Variants in EPC2 observed in about 807,000 individuals in gnomAD.
EPC2 encodes the protein enhancer of polycomb homolog 2.
In EPC2, 14 loss-of-function variants were observed where a neutral mutation model predicts 92.1. The observed-to-expected ratio is 0.15, with a 90% CI of 0.10 to 0.24. The LOEUF (loss-of-function observed/expected upper bound fraction) is 0.24, where lower values mean the gene tolerates loss of function less well. Among genes scored for constraint, EPC2 ranks in the 10% least tolerant of loss-of-function variants. The pLI is 1.00. For missense variants in EPC2, 755 were observed against 971.5 expected, an observed-to-expected ratio of 0.78 and a Z score of 2.96; for synonymous variants, 340 against 334.7, an observed-to-expected ratio of 1.02 and a Z score of -0.17.
At chr2:148,777,405 A>G (rs1433204841) in intron 10 of EPC2, among the ~76,000 whole-genome samples, 1 of 152,188 alleles carries the variant, frequency 6.6e-6, no homozygotes, top group Admixed American at 6.5e-5. Flanking sequence ...AAGTTAAGAG[A>G]TGATGAAAAA....
intron 10 of EPC2, among the ~76,000 whole-genome samples, chr2:148,774,607 A>G (rs1465030765): frequency 1.7e-5 from 2 of 117,874 alleles, no homozygotes; most frequent in Non-Finnish European, 3.6e-5. Context: ...ACCCTGACTC[A>G]AAAAAAAAAA....
intron 2 of EPC2, among the ~76,000 whole-genome samples, chr2:148,708,537 A>G (rs1462065984): frequency 1.3e-5 from 2 of 152,298 alleles, no homozygotes; most frequent in South Asian, 2.1e-4. Flanking sequence ...CAGAGACACA[A>G]CAAAAAAGGA....
rs1682261583 is a variant in EPC2 at position 148,716,365 on chromosome 2, A to G, written c.313+25992A>G. 2.0e-5 allele frequency among the ~76,000 whole-genome samples: 3 copies of G among 152,128 alleles called. No homozygotes were observed. In the South Asian group the frequency reaches 6.2e-4, roughly 31 times the overall value. On this transcript the variant is annotated intron_variant, in intron 2 of 13. Transcript: ENST00000258484. ...TCAGTATGTTATTGGTGGGTTTGTCATATATGGCTCTTAATATTTTGAGGT... is the reference window on the plus strand; with the variant it reads ...TCAGTATGTTATTGGTGGGTTTGTCGTATATGGCTCTTAATATTTTGAGGT...
chr2:148,742,747 C>CTA (rs1393212536), intron 2 of EPC2, among the ~76,000 whole-genome samples: 1 of 146,360 alleles, frequency 6.8e-6, no homozygotes, highest in Non-Finnish European at 1.5e-5. Flanking sequence ...TGCCATTGCA[C>CTA]TATAGCCTGG....
intron 2 of EPC2, among the ~76,000 whole-genome samples, chr2:148,734,988 G>A (rs1283819620): frequency 6.6e-6 from 1 of 151,500 alleles, no homozygotes; most frequent in African/African-American, 2.4e-5. Context: ...ATGAACATTT[G>A]TGTGCATGTT....
intron 2 of EPC2, among the ~76,000 whole-genome samples, chr2:148,690,706 A>C (rs577346763): frequency 1.2e-4 from 18 of 152,002 alleles, no homozygotes; most frequent in African/African-American, 4.1e-4. Flanking sequence ...TCTGTTACCC[A>C]GGCTGGAGTG....
chr2:148,770,787 T>G lies in EPC2; in HGVS notation c.1231-5T>G. The G allele has an allele frequency of 6.3e-7, 1 of 1,593,942 alleles. No homozygotes were observed. Among genetic ancestry groups the G allele is most frequent in the South Asian group, 1.2e-5 (1 of 86,504 alleles). On this transcript the variant is annotated splice_region_variant and splice_polypyrimidine_tract_variant and intron_variant, in intron 8 of 13. Coordinates refer to ENST00000258484, the MANE Select transcript of EPC2 (RefSeq NM_015630.4). ...TTTTGTTTTTTGTTTTTTCTTTCTT[T>G]GCAGCCTCGTTTGGACCAAGCTAAC...
intron 10 of EPC2, among the ~76,000 whole-genome samples, chr2:148,775,955 A>AT (rs902788553): frequency 2.7e-5 from 4 of 150,876 alleles, no homozygotes; most frequent in Non-Finnish European, 5.9e-5. Context: ...TTGTTTTTGT[A>AT]TTTTTTTAGT....
chr2:148,751,319 T>C (rs1683079734), intron 3 of EPC2, among the ~76,000 whole-genome samples: 1 of 152,142 alleles, frequency 6.6e-6, no homozygotes, highest in Admixed American at 6.6e-5. Context: ...CTTGTCTTCA[T>C]AGAGCTAGTA....
intron 1 of EPC2, among the ~76,000 whole-genome samples, chr2:148,660,072 C>T (rs186329615): frequency 1.6e-4 from 24 of 152,168 alleles, no homozygotes; most frequent in Non-Finnish European, 2.9e-5. Context: ...AAGAAGAAAA[C>T]ACAAATCCCT....
chr2:148,663,055 C>G (rs1680972188), intron 1 of EPC2, among the ~76,000 whole-genome samples: 1 of 151,564 alleles, frequency 6.6e-6, no homozygotes. Context: ...ATATAGTTAA[C>G]TGTGGCTGCA....
At chr2:148,694,219 T>C (rs1681699789) in intron 2 of EPC2, among the ~76,000 whole-genome samples, 1 of 152,180 alleles carries the variant, frequency 6.6e-6, no homozygotes, top group Non-Finnish European at 1.5e-5. Flanking sequence ...TGTTAGAAAT[T>C]AAAAGGTGAG....
At chr2:148,763,406 A>G (rs898551060) in intron 6 of EPC2, among the ~76,000 whole-genome samples, 2 of 152,174 alleles carry the variant, frequency 1.3e-5, no homozygotes, top group African/African-American at 4.8e-5. Flanking sequence ...TACATTAATT[A>G]AAGTATTTAA....
At chr2:148,736,638 C>A (rs1420430506) in intron 2 of EPC2, among the ~76,000 whole-genome samples, 1 of 152,068 alleles carries the variant, frequency 6.6e-6, no homozygotes, top group African/African-American at 2.4e-5. Flanking sequence ...TTCTCTAATT[C>A]AAGACTAAAG....
rs1325560314 is a variant in EPC2, at chr2:148,775,816, T to C, written c.1720+4429T>C. Among the ~76,000 whole-genome samples the C allele has an allele frequency of 4.9e-5, 7 of 143,528 alleles. No individual in the cohort carries two copies. The East Asian group carries it at 5.9e-4, about 12-fold the overall frequency. The allele number at this position is 143,528 out of a possible 152,430, so 94.2% of individuals were successfully genotyped here. A position where few individuals can be genotyped will look rare whatever the true frequency, so the allele number is the denominator to read the frequency against. ...TTTTTGAGATGGAGTCTCACTCTGT[T>C]ACCCAGGCTGGAGTACAGTGGCACG... On this transcript the variant is annotated intron_variant, in intron 10 of 13. Coordinates refer to ENST00000258484, the MANE Select transcript of EPC2 (RefSeq NM_015630.4).
intron 2 of EPC2, among the ~76,000 whole-genome samples, chr2:148,728,674 G>T (rs1367403719): frequency 7.2e-6 from 1 of 138,082 alleles, no homozygotes; most frequent in Non-Finnish European, 1.6e-5. Context: ...AGGTTACAGT[G>T]AGCCATGATC....
Position 148,783,675 on chromosome 2 carries a change from G to A in EPC2, c.1936G>A (p.Ala646Thr). The A allele has an allele frequency of 6.2e-7, 1 of 1,600,134 alleles. No homozygotes were observed. The highest frequency in any genetic ancestry group is 8.5e-7 in the Non-Finnish European group (1 of 1,172,872). ...AHFAASAVVS[A>T]PVPSRSEVAK... ...CTTTGCTGCATCTGCAGTGGTCAGT[G>A]CACCTGTTCCAAGTCGCAGTGAGGT... is the stretch of plus-strand genomic sequence containing the variant. Residue 646 changes from alanine (A) to threonine (T), a missense_variant, in exon 12 of 14, where the codon GCA (alanine) becomes ACA (threonine). Coordinates refer to ENST00000258484, the MANE Select transcript of EPC2 (RefSeq NM_015630.4).
At chr2:148,777,077 C>A (rs1486595661) in intron 10 of EPC2, among the ~76,000 whole-genome samples, 1 of 151,786 alleles carries the variant, frequency 6.6e-6, no homozygotes, top group Non-Finnish European at 1.5e-5. Flanking sequence ...CCAGGCTAGT[C>A]TTGAACCCCT....
chr2:148,650,502 T>G (rs1003990745), intron 1 of EPC2, among the ~76,000 whole-genome samples: 1 of 152,170 alleles, frequency 6.6e-6, no homozygotes, highest in Non-Finnish European at 1.5e-5. Flanking sequence ...TGTGTAGATT[T>G]CTGTGAGATA....
Sources: gnomAD v4.1 joint callset for allele counts (sites outside exome capture counted in the v4.1 genomes callset) on GRCh38, gnomAD v4.1.1 for gene constraint, MANE v1.5 for transcripts, NCBI Gene and HGNC (gene_info 2026-07-23, HGNC 2026-07-21) for gene names.